The following FLCN variants were observed in gnomAD, a reference collection of about 807,000 sequenced individuals.
FLCN encodes the protein BHD skin lesion fibrofolliculoma protein.
Under a neutral mutation model 62.5 loss-of-function variants are expected in FLCN, and 22 were observed. The ratio of observed to expected loss-of-function variants is 0.35; its 90% confidence interval spans 0.25 to 0.50. The LOEUF (loss-of-function observed/expected upper bound fraction) is 0.50, where lower values mean the gene tolerates loss of function less well. Ranked by LOEUF, FLCN falls within the 20% of genes least tolerant of loss-of-function variation. FLCN has a pLI of 0.97. For synonymous variants in FLCN, 319 were observed against 310.0 expected, an observed-to-expected ratio of 1.03 and a Z score of -0.30; for missense variants, 657 against 778.0, an observed-to-expected ratio of 0.84 and a Z score of 1.85.
At chr17:17,221,852 G>A (rs2047100815) in intron 7 of FLCN, among the ~76,000 whole-genome samples, 2 of 152,174 alleles carry the variant, frequency 1.3e-5, no homozygotes, top group Non-Finnish European at 2.9e-5. Context: ...ATGCAAGGGG[G>A]AGCTGTTCTA....
intron 7 of FLCN, 27 bp downstream of exon 7, chr17:17,222,474 T>C (rs371952414): frequency 4.1e-5 from 66 of 1,613,880 alleles, no homozygotes; most frequent in Non-Finnish European, 5.1e-5. Context: ...TCCTAACAGA[T>C]ATGCCAAAAG....
intron 9 of FLCN, among the ~76,000 whole-genome samples, chr17:17,218,379 T>A (rs923437038): frequency 4.2e-5 from 6 of 142,118 alleles, no homozygotes; most frequent in African/African-American, 1.6e-4. Flanking sequence ...AGAATGACCA[T>A]CACTTTCTTT....
Position 17,215,194 on chromosome 17 carries a change from C to T in FLCN, c.1423G>A (p.Ala475Thr), listed in dbSNP as rs1424621592. ...FVVTSGSPVA[A>T]DRVGPTILNK... The stretch of plus-strand genomic sequence containing the variant: ...GCCTGGGGGCACCCACCTCGGTCTG[C>T]AGCTACAGGGCTCCCACTGGTCACC... The change falls in exon 12 of 14, where the codon GCA becomes ACA. Residue 475 changes from alanine to threonine, a missense_variant. By Grantham distance (58) the Ala-to-Thr change is moderately conservative. Transcript: ENST00000285071. 4.3e-6 allele frequency: 7 copies of T among 1,614,168 alleles called. No individual in the cohort carries two copies.
At chr17:17,215,641 G>A (rs571902955) in intron 11 of FLCN, among the ~76,000 whole-genome samples, 104 of 152,346 alleles carry the variant, frequency 6.8e-4, no homozygotes, top group African/African-American at 2.5e-3. Context: ...GGGGAAACAG[G>A]CCTGGAGACG....
In FLCN at chr17:17,216,295, T is replaced by C. The variant is rs2046916222; in HGVS notation, c.1300+85A>G. On this transcript the variant is annotated intron_variant, in intron 11 of 13. Coordinates refer to ENST00000285071, the MANE Select transcript of FLCN (RefSeq NM_144997.7). The surrounding 1 kb of genome is among the most constrained non-coding windows in gnomAD (Gnocchi z 4.0). The stretch of plus-strand genomic sequence containing the variant: ...AATGAGGCCTCCTCTCCACAACCCA[T>C]GACAGAGATCTGGTTCCACTTTGGG... 1.9e-6 allele frequency: 3 copies of C among 1,585,664 alleles called. No individual in the cohort carries two copies. The highest frequency in any genetic ancestry group is 4.5e-5 in the East Asian group (2 of 44,502).
chr17:17,222,813 C>T lies in FLCN; in HGVS notation c.619-152G>A, dbSNP rs1432711325. ...CAGAGCACACAAAGTGCCACCAGTC[C>T]AATCATTCCCAACAGCATAGCTCTG... On this transcript the variant is annotated intron_variant, in intron 6 of 13. Transcript: ENST00000285071. The T allele has an allele frequency of 7.2e-6, 6 of 833,724 alleles. No individual in the cohort carries two copies. The East Asian group carries it at 1.6e-4, about 22-fold the overall frequency. 51.6% of individuals were successfully genotyped at this position (833,724 alleles called of 1,614,324 possible).
rs879255683 is a variant in FLCN, at chr17:17,213,816, G to A, written c.1579C>T (p.Arg527Ter). The A allele has an allele frequency of 7.4e-6, 12 of 1,614,082 alleles. No individual in the cohort carries two copies. The highest frequency in any genetic ancestry group is 4.5e-5 in the East Asian group (2 of 44,900). ...VLFKFTKVDS[R>*]PKEDTQKLLS... is the part of the protein sequence containing the mutation. ...AGCTTCTGTGTGTCCTCTTTGGGTC[G>A]ACTGTCCACCTTGGTGAACTTAAAA... Residue 527 changes from arginine to a stop codon, truncating the protein, a stop_gained, in exon 14 of 14, where the codon CGA (arginine) becomes TGA (stop). Coordinates refer to ENST00000285071, the MANE Select transcript of FLCN (RefSeq NM_144997.7). LOFTEE classifies it high-confidence loss of function.
At chr17:17,217,720 C>G (rs184228923) in intron 9 of FLCN, 4 of 207,522 alleles carry the variant, frequency 1.9e-5, no homozygotes, top group Non-Finnish European at 3.9e-5. Context: ...TTAGTTGTCA[C>G]GTCCTTATTC....
intron 9 of FLCN, among the ~76,000 whole-genome samples, chr17:17,218,718 C>T (rs539775750): frequency 1.3e-4 from 20 of 152,268 alleles, no homozygotes; most frequent in Non-Finnish European, 2.2e-4. Context: ...CAGGCTGCAT[C>T]CAAACCAATT....
chr17:17,234,446 AG>A (rs1481445863), intron 1 of FLCN, among the ~76,000 whole-genome samples: 1 of 150,810 alleles, frequency 6.6e-6, no homozygotes, highest in Non-Finnish European at 1.5e-5. Context: ...TCCTGACCTC[AG>A]GTGATTCTCC....
At chr17:17,214,392 A>T (rs377669507) in intron 13 of FLCN, among the ~76,000 whole-genome samples, 1 of 152,150 alleles carries the variant, frequency 6.6e-6, no homozygotes, top group East Asian at 1.9e-4. Flanking sequence ...TCAGGAGTTC[A>T]AGACCAGCCT....
rs767345167 is a variant in FLCN at position 17,213,658 on chromosome 17, G to A, written c.1737C>T (p.Asn579=). 8 of 1,614,176 alleles carry A rather than the reference G, an allele frequency of 5.0e-6. No individual in the cohort carries two copies. The East Asian group carries it at 8.9e-5, about 18-fold the overall frequency. Residue 579 remains asparagine, a synonymous_variant, in exon 14 of 14, where the codon AAC becomes AAT. Transcript: ENST00000285071. Reference sequence around the variant, plus strand: ...TTAGGCAGGTGTGTGTGACGGGTCAGTTCCGAGACTCCGAGGCTGTGGGGC... The same window carrying A: ...TTAGGCAGGTGTGTGTGACGGGTCAATTCCGAGACTCCGAGGCTGTGGGGC... ...VRSPTASESR[N] is the part of the protein sequence containing the mutation.
chr17:17,223,627 C>G (rs2047159594), intron 6 of FLCN, among the ~76,000 whole-genome samples: 1 of 152,204 alleles, frequency 6.6e-6, no homozygotes, highest in African/African-American at 2.4e-5. Flanking sequence ...AACAGACATC[C>G]CTGAGATGAA....
At chr17:17,220,881 G>A (rs577942077) in intron 8 of FLCN, 12 of 240,890 alleles carry the variant, frequency 5.0e-5, no homozygotes, top group Non-Finnish European at 7.4e-5. Flanking sequence ...GAAACACCTC[G>A]AAACAGCTCT....
Position 17,219,033 on chromosome 17 carries a change from G to T in FLCN, c.1048C>A (p.Arg350=). Residue 350 remains arginine (R), a synonymous_variant, in exon 9 of 14, where the codon CGG becomes AGG. Coordinates refer to ENST00000285071, the MANE Select transcript of FLCN (RefSeq NM_144997.7). ...CTGCCGCCTACCTGCCTCATGTGCC[G>T]GAGGGACTTGAAGACTGGCAGCTTC... ...PRKLPVFKSL[R]HMRQVLGAPS... is the part of the protein sequence containing the mutation. The T allele has an allele frequency of 6.2e-7, 1 of 1,613,768 alleles. No homozygotes were observed. The highest frequency in any genetic ancestry group is 8.5e-7 in the Non-Finnish European group (1 of 1,179,988).
rs1260202380 is a variant in FLCN at position 17,216,575 on chromosome 17, C to T, written c.1177-72G>A. The T allele has an allele frequency of 1.9e-6, 3 of 1,600,932 alleles. No homozygotes were observed. The highest frequency in any genetic ancestry group is 1.3e-5 in the African/African-American group (1 of 74,646). ...AGCCCCGGCCATCCATGCTCTACTA[C>T]CCAAACCCCACACGCCTCCTGCAGC... On this transcript the variant is annotated intron_variant, in intron 10 of 13. Coordinates refer to ENST00000285071, the MANE Select transcript of FLCN (RefSeq NM_144997.7). This position sits in a 1 kb window ranked among gnomAD's most constrained non-coding sequence, Gnocchi z 4.0.
intron 1 of FLCN, chr17:17,235,595 A>G (rs1199395665): frequency 2.6e-5 from 4 of 152,282 alleles, no homozygotes; most frequent in African/African-American, 9.6e-5. Context: ...CTTTGCGGTC[A>G]CCGGAGCCTG....
At chr17:17,221,797 C>T (rs2144937413) in intron 7 of FLCN, among the ~76,000 whole-genome samples, 169 bp from the exon 8 acceptor site, 1 of 152,310 alleles carries the variant, frequency 6.6e-6, no homozygotes, top group Middle Eastern at 3.4e-3. Flanking sequence ...AGTCAACGAC[C>T]AAGGTCCTTC....
chr17:17,222,209 C>T (rs902292734), intron 7 of FLCN, among the ~76,000 whole-genome samples: 6 of 152,040 alleles, frequency 3.9e-5, no homozygotes, highest in Non-Finnish European at 8.8e-5. Flanking sequence ...TGGTGACAGG[C>T]GCCTGTAATC....
Sources: allele counts gnomAD v4.1 joint callset (sites outside exome capture counted in the v4.1 genomes callset), GRCh38; gene constraint gnomAD v4.1.1; non-coding constraint Gnocchi (gnomAD v3.1); transcripts MANE v1.5; gene names NCBI Gene and HGNC (gene_info 2026-07-23, HGNC 2026-07-21).